The following GAL3ST3 variants were observed in gnomAD, a reference collection of about 807,000 sequenced individuals.
GAL3ST3 encodes the protein beta-galactose-3-O-sulfotransferase 3.
GAL3ST3 carries 21 observed loss-of-function variants against 20.8 expected under a neutral mutation model. The ratio of observed to expected loss-of-function variants is 1.01; its 90% confidence interval spans 0.72 to 1.45. The LOEUF is 1.45. GAL3ST3 is among the 40% of genes most tolerant of loss of function. The pLI, the probability that GAL3ST3 is intolerant of heterozygous loss-of-function variation, is 0.00. For missense variants in GAL3ST3, 739 were observed against 662.7 expected (o/e 1.12, Z -1.26); for synonymous variants, 355 against 307.2 (o/e 1.16, Z -1.63).
intron 2 of GAL3ST3, 37 bp downstream of exon 2, chr11:66,045,254 G>A: frequency 6.8e-7 from 1 of 1,474,662 alleles, no homozygotes; most frequent in South Asian, 1.3e-5. Context: ...AGAATGGGGA[G>A]GGGAGCTCCG....
At chr11:66,043,705 G>A in intron 2 of GAL3ST3, 28 bp from the exon 3 acceptor site, 1 of 1,564,078 alleles carries the variant, frequency 6.4e-7, no homozygotes, top group Non-Finnish European at 8.7e-7. Context: ...TGTGCGGAGA[G>A]GAGGGTGTGA....
chr11:66,047,759 G>A (rs757929276), intron 1 of GAL3ST3, among the ~76,000 whole-genome samples: 1 of 152,146 alleles, frequency 6.6e-6, no homozygotes, highest in African/African-American at 2.4e-5. Context: ...CACCTGCTTC[G>A]GCCTGCCCCT....
chr11:66,048,070 G>A (rs1433763771), intron 1 of GAL3ST3, among the ~76,000 whole-genome samples: 1 of 152,144 alleles, frequency 6.6e-6, no homozygotes, highest in Non-Finnish European at 1.5e-5. Flanking sequence ...GGTGTGGGGT[G>A]CATGATGGTG....
intron 1 of GAL3ST3, among the ~76,000 whole-genome samples, chr11:66,048,110 C>T (rs1856800763): frequency 6.6e-6 from 1 of 152,072 alleles, no homozygotes; most frequent in African/African-American, 2.4e-5. Context: ...GAGCAGTGGC[C>T]CTGGCTCCTG....
At chr11:66,044,044 A>T (rs1856754840) in intron 2 of GAL3ST3, among the ~76,000 whole-genome samples, 1 of 152,170 alleles carries the variant, frequency 6.6e-6, no homozygotes, top group African/African-American at 2.4e-5. Context: ...GGGGGAAGCA[A>T]GCTGCCATAT....
At position 66,043,576 on chromosome 11, in the gene GAL3ST3, C is replaced by T. The variant is rs748131639; in HGVS notation, c.227G>A (p.Gly76Asp). ...AAACAGGATGTTCTGCACCGTCGTG[C>T]CTGCCGTCTTGTGAGTCTTCAGGAA... is the stretch of plus-strand genomic sequence containing the variant. Reference protein sequence around the residue: ...VAFLKTHKTAGTTVQNILFRF... With the variant: ...VAFLKTHKTADTTVQNILFRF... The change falls in exon 3 of 3, where the codon GGC becomes GAC. Residue 76 changes from glycine to aspartate, a missense_variant. Transcript: ENST00000312006. 6.8e-6 allele frequency: 11 copies of T among 1,612,530 alleles called. No homozygotes were observed. In the Admixed American group the frequency reaches 1.7e-4, roughly 24 times the overall value.
At chr11:66,043,714 G>A in intron 2 of GAL3ST3, 37 bp from the exon 3 acceptor site, 1 of 1,538,864 alleles carries the variant, frequency 6.5e-7, no homozygotes, top group Non-Finnish European at 8.8e-7. Flanking sequence ...AGGAGGGTGT[G>A]AGGGGGCTGC....
chr11:66,042,936 G>C lies in GAL3ST3; in HGVS notation c.867C>G (p.Thr289=), dbSNP rs1231033835. The C allele has an allele frequency of 8.1e-7, 1 of 1,241,494 alleles. No homozygotes were observed. Among genetic ancestry groups the C allele is most frequent in the Non-Finnish European group, 1.0e-6 (1 of 985,396 alleles). The allele number at this position is 1,241,494 out of a possible 1,614,324, so 76.9% of individuals were successfully genotyped here. The change falls in exon 3 of 3, where the codon ACC becomes ACG. Residue 289 remains threonine (T), a synonymous_variant. Transcript: ENST00000312006. ...AGAGGCCGGCGTCCAGGGCGTTCCA[G>C]GTGCGCGCCGCCCGCGCCAGCGCCG... is the stretch of plus-strand genomic sequence containing the variant. ...IPAALARAAR[T]WNALDAGLYD...
At chr11:66,044,867 A>G (rs1856763311) in intron 2 of GAL3ST3, 1 of 153,556 alleles carries the variant, frequency 6.5e-6, no homozygotes, top group South Asian at 2.0e-4. Flanking sequence ...GGGTTCACAC[A>G]GTGAGTCAGG....
In GAL3ST3 at chr11:66,043,305, G is replaced by A. The variant is rs1473638606; in HGVS notation, c.498C>T (p.Asn166=). Reference sequence around the variant, plus strand: ...CGCGCCGGAAGGCCGGGCAGTACTGGTTGTAGTAGCTGAAGAGCGACTCGA... The same window carrying A: ...CGCGCCGGAAGGCCGGGCAGTACTGATTGTAGTAGCTGAAGAGCGACTCGA... ...AMFESLFSYY[N]QYCPAFRRVP... is the part of the protein sequence containing the mutation. The change falls in exon 3 of 3, where the codon AAC becomes AAT. Residue 166 remains asparagine (N), a synonymous_variant. Transcript: ENST00000312006. 2 of 1,612,468 alleles carry A rather than the reference G, an allele frequency of 1.2e-6. No individual in the cohort carries two copies. The highest frequency in any genetic ancestry group is 1.1e-5 in the South Asian group (1 of 91,000).
intron 1 of GAL3ST3, 31 bp from the exon 2 acceptor site, chr11:66,045,558 G>T (rs751385556): frequency 2.3e-6 from 2 of 856,870 alleles, no homozygotes; most frequent in Non-Finnish European, 3.3e-6. Flanking sequence ...GGTTTGCAGT[G>T]GGCAGAGGAG....
At position 66,045,326 on chromosome 11, in the gene GAL3ST3, T is replaced by TA; in HGVS notation, c.89dup (p.Ser31LysfsTer184). On this transcript the variant is annotated frameshift_variant, in exon 2 of 3. Transcript: ENST00000312006. LOFTEE classifies it high-confidence loss of function. ...GCGCCCCCTGGTGGATGAGAAGGCT[T>TA]ACGGTGCTGCACCCTAGCACCAGCA... The TA allele has an allele frequency of 1.3e-6, 2 of 1,599,248 alleles. No homozygotes were observed. The highest frequency in any genetic ancestry group is 8.5e-7 in the Non-Finnish European group (1 of 1,172,370).
In GAL3ST3 at chr11:66,043,314, G is replaced by C; in HGVS notation, c.489C>G (p.Ser163Arg). 1 of 1,612,404 alleles carries C rather than the reference G, an allele frequency of 6.2e-7. No homozygotes were observed. Among genetic ancestry groups the C allele is most frequent in the Non-Finnish European group, 8.5e-7 (1 of 1,179,288 alleles). The change falls in exon 3 of 3, where the codon AGC (serine) becomes AGG (arginine). Residue 163 changes from serine to arginine, a missense_variant. Physicochemically the swap from Ser to Arg is moderately radical, Grantham distance 110. Transcript: ENST00000312006. ...AGGCCGGGCAGTACTGGTTGTAGTAGCTGAAGAGCGACTCGAACATGGCGG... is the reference window on the plus strand; with the variant it reads ...AGGCCGGGCAGTACTGGTTGTAGTACCTGAAGAGCGACTCGAACATGGCGG... ...EPAAMFESLF[S>R]YYNQYCPAFR... is the part of the protein sequence containing the mutation.
At chr11:66,045,979 C>A (rs1354063801) in intron 1 of GAL3ST3, among the ~76,000 whole-genome samples, 1 of 152,242 alleles carries the variant, frequency 6.6e-6, no homozygotes, top group East Asian at 1.9e-4. Flanking sequence ...CTCGGAAACA[C>A]TGATCAGGCC....
In GAL3ST3 at chr11:66,042,445, A is replaced by T; in HGVS notation, c.*62T>A. 2 of 1,271,010 alleles carry T rather than the reference A, an allele frequency of 1.6e-6. No individual in the cohort carries two copies. The highest frequency in any genetic ancestry group is 3.3e-5 in the South Asian group (2 of 61,380). 78.7% of individuals were successfully genotyped at this position (1,271,010 alleles called of 1,614,324 possible). ...TCTCATGGGGGCAGGACATGGAGGCAGCCCCTGGCTGGACTCCTGGGAGGG... is the reference window on the plus strand; with the variant it reads ...TCTCATGGGGGCAGGACATGGAGGCTGCCCCTGGCTGGACTCCTGGGAGGG... On this transcript the variant is annotated 3_prime_UTR_variant, in exon 3 of 3. Coordinates refer to ENST00000312006, the MANE Select transcript of GAL3ST3 (RefSeq NM_033036.3).
chr11:66,044,259 C>T (rs1158611112), intron 2 of GAL3ST3, among the ~76,000 whole-genome samples: 2 of 152,164 alleles, frequency 1.3e-5, no homozygotes, highest in South Asian at 2.1e-4. Context: ...AGACCTTGGT[C>T]CAGAAGTTCC....
chr11:66,042,269 C>A lies in GAL3ST3; in HGVS notation c.*238G>T. ...GCCTCTTGTCAAAATCACCAACCAG[C>A]TGGGAAGGAGAGGGTGGCCCAGCGC... On this transcript the variant is annotated 3_prime_UTR_variant, in exon 3 of 3. Coordinates refer to ENST00000312006, the MANE Select transcript of GAL3ST3 (RefSeq NM_033036.3). 2.1e-6 allele frequency: 1 copy of A among 476,466 alleles called. No individual in the cohort carries two copies. Among genetic ancestry groups the A allele is most frequent in the Non-Finnish European group, 3.7e-6 (1 of 273,218 alleles). The allele number at this position is 476,466 out of a possible 1,614,324, so 29.5% of individuals were successfully genotyped here. A position where few individuals can be genotyped will look rare whatever the true frequency, so the allele number is the denominator to read the frequency against.
In GAL3ST3 at chr11:66,043,066, T is replaced by C; in HGVS notation, c.737A>G (p.Glu246Gly). ...TAGGCGCCGCAGCAGCACTAGCGAC[T>C]CGTCGAAGTACTCGGCGATCATGAC... ...SLVMIAEYFDESLVLLRRLLA... is the reference protein window; with the variant it reads ...SLVMIAEYFDGSLVLLRRLLA... Residue 246 changes from glutamate to glycine, a missense_variant, in exon 3 of 3, where the codon GAG (glutamate) becomes GGG (glycine). Transcript: ENST00000312006. The C allele has an allele frequency of 6.2e-7, 1 of 1,611,608 alleles. No homozygotes were observed. Among genetic ancestry groups the C allele is most frequent in the Non-Finnish European group, 8.5e-7 (1 of 1,179,326 alleles).
chr11:66,044,377 C>T (rs1856758196), intron 2 of GAL3ST3, among the ~76,000 whole-genome samples: 1 of 152,132 alleles, frequency 6.6e-6, no homozygotes, highest in African/African-American at 2.4e-5. Context: ...GGACAAAGAC[C>T]CCTGGAGATC....
Sources: allele counts gnomAD v4.1 joint callset (sites outside exome capture counted in the v4.1 genomes callset), GRCh38; gene constraint gnomAD v4.1.1; transcripts MANE v1.5; gene names NCBI Gene and HGNC (gene_info 2026-07-23, HGNC 2026-07-21).